The following TRIP6 variants were observed in gnomAD, a reference collection of about 807,000 sequenced individuals.
The protein encoded by TRIP6 is thyroid hormone receptor interactor 6.
A neutral mutation model predicts 51.9 loss-of-function variants in TRIP6; 33 were observed. The ratio of observed to expected loss-of-function variants is 0.64; its 90% CI spans 0.48 to 0.85. The LOEUF is 0.85. TRIP6 is among the 40% of genes least tolerant of loss of function. The pLI is 0.00. For synonymous variants in TRIP6, 255 were observed against 275.8 expected (o/e 0.92, Z 0.75); for missense variants, 661 against 652.1 (o/e 1.01, Z -0.15).
chr7:100,873,260 G>T lies in TRIP6; in HGVS notation c.1388G>T (p.Trp463Leu). The T allele has an allele frequency of 6.2e-7, 1 of 1,613,098 alleles. No homozygotes were observed. Among genetic ancestry groups the T allele is most frequent in the Middle Eastern group, 1.7e-4 (1 of 6,026 alleles). ...ATCTTGTGCAAGGCCTGCAGCGCCT[G>T]GCGCATCCAGGAGCTCTCAGCCACC... ...GHILCKACSA[W>L]RIQELSATVT... Residue 463 changes from tryptophan (W) to leucine (L), a missense_variant, in exon 9 of 9, where the codon TGG becomes TTG. Coordinates refer to ENST00000200457, the MANE Select transcript of TRIP6 (RefSeq NM_003302.3).
intron 3 of TRIP6, 109 bp downstream of exon 3, chr7:100,868,342 C>A: frequency 6.4e-7 from 1 of 1,565,416 alleles, no homozygotes; most frequent in South Asian, 1.2e-5. Flanking sequence ...ATGGAGGAAG[C>A]GTGGCTGCAA....
At chr7:100,869,521 A>G (rs1202421647) in intron 4 of TRIP6, among the ~76,000 whole-genome samples, 1 of 149,322 alleles carries the variant, frequency 6.7e-6, no homozygotes, top group Admixed American at 6.7e-5. Context: ...AATCCCAGCT[A>G]CTCGGGAGGT....
At chr7:100,868,285 C>G in intron 3 of TRIP6, 52 bp downstream of exon 3, 2 of 1,582,582 alleles carry the variant, frequency 1.3e-6, no homozygotes, top group African/African-American at 2.7e-5. Context: ...TCTGGACTCT[C>G]AGACCCAGCC....
intron 6 of TRIP6, 105 bp from the exon 7 acceptor site, chr7:100,871,436 CTG>C (rs1815265367): frequency 9.2e-7 from 1 of 1,087,628 alleles, no homozygotes; most frequent in East Asian, 5.6e-5. Context: ...ATGCAGGAGG[CTG>C]CATGCAGGAG....
intron 7 of TRIP6, among the ~76,000 whole-genome samples, chr7:100,872,181 G>GTTTTTTTTTT (rs34239953): frequency 0.035 from 3,319 of 95,398 alleles, no homozygotes; most frequent in East Asian, 0.06. Flanking sequence ...CGCCTGGCTA[G>GTTTTTTTTTT]TTTTTTTTTT....
At chr7:100,870,936 A>G in intron 6 of TRIP6, 193 bp downstream of exon 6, 5 of 759,246 alleles carry the variant, frequency 6.6e-6, no homozygotes, top group Non-Finnish European at 1.1e-5. Context: ...GAAGGGAAGG[A>G]CGCAGCTCTT....
rs370641827 is a variant in TRIP6, at chr7:100,872,617, C to G, written c.1179-7C>G. ...TTGATGGCCTTCTTGGTTCTCTTCC[C>G]CTGCAGGAAGTTTGCCCCAAGATGC... On this transcript the variant is annotated splice_polypyrimidine_tract_variant and splice_region_variant and intron_variant, in intron 7 of 8. Coordinates refer to ENST00000200457, the MANE Select transcript of TRIP6 (RefSeq NM_003302.3). 20 of 1,613,786 alleles carry G rather than the reference C, an allele frequency of 1.2e-5. No individual in the cohort carries two copies. In the African/African-American group the frequency reaches 2.5e-4, roughly 20 times the overall value.
Position 100,868,846 on chromosome 7 carries a change from G to T in TRIP6, c.715G>T (p.Gly239Ter). 1 of 1,514,604 alleles carries T rather than the reference G, an allele frequency of 6.6e-7. No individual in the cohort carries two copies. Among genetic ancestry groups the T allele is most frequent in the South Asian group, 1.3e-5 (1 of 74,818 alleles). 93.8% of individuals were successfully genotyped at this position (1,514,604 alleles called of 1,614,324 possible). A position where few individuals can be genotyped will look rare whatever the true frequency, so the allele number is the denominator to read the frequency against. ...CTCTGGCCCTGCAGGAAGAGGAAGA[G>T]GAGGCGAGCACGGGCCCCAGGTGAG... The part of the protein sequence containing the change: ...GVSGPAGRGR[G>*]GEHGPQVPLS... The change falls in exon 4 of 9, where the codon GGA becomes TGA. Residue 239 changes from glycine to a stop codon, truncating the protein, a stop_gained. Coordinates refer to ENST00000200457, the MANE Select transcript of TRIP6 (RefSeq NM_003302.3). LOFTEE classifies it high-confidence loss of function.
In TRIP6 at chr7:100,873,263, G is replaced by A. The variant is rs772986111; in HGVS notation, c.1391G>A (p.Arg464His). 13 of 1,612,266 alleles carry A rather than the reference G, an allele frequency of 8.1e-6. No homozygotes were observed. The highest frequency in any genetic ancestry group is 2.2e-5 in the South Asian group (2 of 91,054). ...HILCKACSAWRIQELSATVTT... is the reference protein window; with the variant it reads ...HILCKACSAWHIQELSATVTT... Reference sequence around the variant, plus strand: ...TTGTGCAAGGCCTGCAGCGCCTGGCGCATCCAGGAGCTCTCAGCCACCGTC... The same window carrying A: ...TTGTGCAAGGCCTGCAGCGCCTGGCACATCCAGGAGCTCTCAGCCACCGTC... Residue 464 changes from arginine to histidine, a missense_variant, in exon 9 of 9, where the codon CGC becomes CAC. Coordinates refer to ENST00000200457, the MANE Select transcript of TRIP6 (RefSeq NM_003302.3).
chr7:100,871,598 G>A lies in TRIP6; in HGVS notation c.1055G>A (p.Arg352Gln), dbSNP rs1339087129. 3.1e-6 allele frequency: 5 copies of A among 1,614,042 alleles called. No homozygotes were observed. The highest frequency in any genetic ancestry group is 2.2e-5 in the East Asian group (1 of 44,882). The change falls in exon 7 of 9, where the codon CGG becomes CAG. Residue 352 changes from arginine (R) to glutamine (Q), a missense_variant. Physicochemically the swap from Arg to Gln is conservative, Grantham distance 43. Transcript: ENST00000200457. ...CSQPILDRIL[R>Q]AMGKAYHPGC... is the part of the protein sequence containing the mutation. ...CAGCCCATCCTGGACCGGATCCTGC[G>A]GGCTATGGGGAAGGCCTACCACCCT...
At chr7:100,871,353 T>C (rs1002240139) in intron 6 of TRIP6, among the ~76,000 whole-genome samples, 190 bp from the exon 7 acceptor site, 3 of 152,168 alleles carry the variant, frequency 2.0e-5, no homozygotes, top group East Asian at 3.9e-4. Flanking sequence ...GTTTTTCTCA[T>C]AGTGTTTAAA....
chr7:100,870,551 A>G (rs372408588), intron 5 of TRIP6, 23 bp from the exon 6 acceptor site: 37 of 1,610,348 alleles, frequency 2.3e-5, no homozygotes, highest in Non-Finnish European at 3.1e-5. Flanking sequence ...GTGAAGACTG[A>G]TGCTGTTTCT....
Position 100,867,726 on chromosome 7 carries a change from G to T in TRIP6, c.109+120G>T. 1 of 1,521,560 alleles carries T rather than the reference G, an allele frequency of 6.6e-7. No homozygotes were observed. The highest frequency in any genetic ancestry group is 8.8e-7 in the Non-Finnish European group (1 of 1,131,254). The allele number at this position is 1,521,560 out of a possible 1,614,324, so 94.3% of individuals were successfully genotyped here. A position where few individuals can be genotyped will look rare whatever the true frequency, so the allele number is the denominator to read the frequency against. On this transcript the variant is annotated intron_variant, in intron 1 of 8. Transcript: ENST00000200457. This position sits in a 1 kb window ranked among gnomAD's most constrained non-coding sequence, Gnocchi z 5.4. ...CCCCTTCCCCAAGCCGAGGCGGGGG[G>T]AACAGCCGCCTGCGCTCTCTTGGGA...
chr7:100,871,607 G>A lies in TRIP6; in HGVS notation c.1064G>A (p.Gly355Glu). The change falls in exon 7 of 9, where the codon GGG becomes GAG. Residue 355 changes from glycine to glutamate, a missense_variant. Transcript: ENST00000200457. ...CTGGACCGGATCCTGCGGGCTATGGGGAAGGCCTACCACCCTGGCTGCTTC... is the reference window on the plus strand; with the variant it reads ...CTGGACCGGATCCTGCGGGCTATGGAGAAGGCCTACCACCCTGGCTGCTTC... ...PILDRILRAM[G>E]KAYHPGCFTC... 6.2e-7 allele frequency: 1 copy of A among 1,614,096 alleles called. No homozygotes were observed. The highest frequency in any genetic ancestry group is 2.2e-5 in the East Asian group (1 of 44,882).
intron 4 of TRIP6, among the ~76,000 whole-genome samples, chr7:100,870,019 T>C (rs1037257822): frequency 3.3e-5 from 5 of 152,112 alleles, no homozygotes; most frequent in African/African-American, 1.2e-4. Context: ...CTGAGCTTGT[T>C]TTCCTGCAAC....
At position 100,868,272 on chromosome 7, in the gene TRIP6, T is replaced by G. The variant is rs753300987; in HGVS notation, c.363+39T>G. Reference sequence around the variant, plus strand: ...TCCTCCCCGTCAGCACCCTGCCCCCTTCTCTGGACTCTCAGACCCAGCCTG... The same window carrying G: ...TCCTCCCCGTCAGCACCCTGCCCCCGTCTCTGGACTCTCAGACCCAGCCTG... On this transcript the variant is annotated intron_variant, in intron 3 of 8. Transcript: ENST00000200457. 3.1e-6 allele frequency: 5 copies of G among 1,592,244 alleles called. No homozygotes were observed. In the East Asian group the frequency reaches 9.0e-5, roughly 29 times the overall value.
At chr7:100,871,291 T>A in intron 6 of TRIP6, 2 of 569,484 alleles carry the variant, frequency 3.5e-6, no homozygotes, top group Non-Finnish European at 6.3e-6. Flanking sequence ...CACTCTGGCC[T>A]CCCAAAGTGC....
intron 4 of TRIP6, among the ~76,000 whole-genome samples, chr7:100,869,205 G>T (rs1484275764): frequency 6.6e-6 from 1 of 151,650 alleles, no homozygotes; most frequent in Non-Finnish European, 1.5e-5. Context: ...TGATCCGCCT[G>T]CCTCAGCCTC....
At chr7:100,871,480 G>A (rs1419402674) in intron 6 of TRIP6, 63 bp from the exon 7 acceptor site, 5 of 1,563,518 alleles carry the variant, frequency 3.2e-6, no homozygotes, top group Admixed American at 3.4e-5. Context: ...GGTTGCTGGG[G>A]TTCCTGTTGA....
Sources: allele counts gnomAD v4.1 joint callset (sites outside exome capture counted in the v4.1 genomes callset), GRCh38; gene constraint gnomAD v4.1.1; non-coding constraint Gnocchi (gnomAD v3.1); transcripts MANE v1.5; gene names NCBI Gene and HGNC (gene_info 2026-07-23, HGNC 2026-07-21).